The following DYNLL1 variants were observed in gnomAD, a reference collection of about 807,000 sequenced individuals.
DYNLL1 encodes the protein dynein light chain 1, cytoplasmic.
In DYNLL1, 3 loss-of-function variants were observed where a neutral mutation model predicts 10.1. The ratio of observed to expected loss-of-function variants is 0.30; its 90% CI spans 0.14 to 0.77. DYNLL1 has a LOEUF of 0.77. Among genes scored for constraint, DYNLL1 ranks in the 30% least tolerant of loss-of-function variants. DYNLL1 has a pLI of 0.66. For synonymous variants in DYNLL1, 46 were observed against 41.2 expected (o/e 1.12, Z -0.45); for missense variants, 47 against 111.7 (o/e 0.42, Z 2.61).
chr12:120,484,426 G>A (rs1878948599), intron 1 of DYNLL1, among the ~76,000 whole-genome samples: 1 of 152,044 alleles, frequency 6.6e-6, no homozygotes, highest in African/African-American at 2.4e-5. Context: ...ATCGTGACAG[G>A]GAACTCAGAA....
chr12:120,494,597 G>A (rs929030142), upstream of DYNLL1, among the ~76,000 whole-genome samples: 7 of 151,880 alleles, frequency 4.6e-5, no homozygotes, highest in Non-Finnish European at 8.8e-5. Flanking sequence ...TTTTCTTTCT[G>A]GAGTTGTGTG....
At chr12:120,478,164 A>T (rs1475360814) in intron 1 of DYNLL1, among the ~76,000 whole-genome samples, 4 of 150,900 alleles carry the variant, frequency 2.7e-5, no homozygotes, top group Admixed American at 6.6e-5. Flanking sequence ...GCTAGAGTGC[A>T]ATGGCACAAT....
intron 1 of DYNLL1, among the ~76,000 whole-genome samples, chr12:120,482,828 A>G (rs1304267277): frequency 2.0e-5 from 3 of 152,102 alleles, no homozygotes; most frequent in Non-Finnish European, 4.4e-5. Context: ...CAGGCCAGAC[A>G]TGGGCTTTGG....
chr12:120,486,116 GT>G (rs1370785127), intron 1 of DYNLL1, among the ~76,000 whole-genome samples: 3 of 152,316 alleles, frequency 2.0e-5, no homozygotes, highest in African/African-American at 7.2e-5. Context: ...GTGACATTGA[GT>G]TTGAGAACAG....
At chr12:120,495,684 T>A (rs1365637876), upstream of DYNLL1, 1 of 61,058 alleles carries the variant, frequency 1.6e-5, no homozygotes, top group Non-Finnish European at 3.1e-5. Context: ...TCATGCGACC[T>A]GTCGTGGTGG....
chr12:120,481,065 T>C (rs975871016), intron 1 of DYNLL1, among the ~76,000 whole-genome samples: 4 of 152,166 alleles, frequency 2.6e-5, no homozygotes, highest in African/African-American at 9.7e-5. Flanking sequence ...GGCTCACATA[T>C]TTCTTAATTT....
At chr12:120,493,856 TG>T (rs1031487835), upstream of DYNLL1, 3 of 151,428 alleles carry the variant, frequency 2.0e-5, no homozygotes, top group Non-Finnish European at 2.9e-5. Flanking sequence ...CCTGACCTCG[TG>T]ATCCGCCTGC....
At chr12:120,477,587 A>C (rs988999662) in intron 1 of DYNLL1, among the ~76,000 whole-genome samples, 2 of 151,566 alleles carry the variant, frequency 1.3e-5, no homozygotes, top group African/African-American at 4.8e-5. Flanking sequence ...CCGTCTCTAC[A>C]AAAAAAATAA....
At chr12:120,486,847 G>A (rs1224540138) in intron 1 of DYNLL1, among the ~76,000 whole-genome samples, 1 of 152,104 alleles carries the variant, frequency 6.6e-6, no homozygotes, top group South Asian at 2.1e-4. Context: ...CCTCACTGGT[G>A]TCCTGGCTGC....
chr12:120,470,975 G>A (rs1453455626), intron 1 of DYNLL1, among the ~76,000 whole-genome samples: 2 of 152,082 alleles, frequency 1.3e-5, no homozygotes, highest in East Asian at 3.9e-4. Flanking sequence ...AGCCCGGGAG[G>A]CGAAGGTTGC....
chr12:120,475,233 TG>T (rs1592996998), intron 1 of DYNLL1, among the ~76,000 whole-genome samples: 1 of 152,132 alleles, frequency 6.6e-6, no homozygotes, highest in Non-Finnish European at 1.5e-5. Flanking sequence ...CCCAAACAGG[TG>T]GGAACACAAG....
chr12:120,485,490 G>C (rs922067944), intron 1 of DYNLL1, among the ~76,000 whole-genome samples: 1 of 151,918 alleles, frequency 6.6e-6, no homozygotes, highest in African/African-American at 2.4e-5. Context: ...TCCCGACCTC[G>C]TGATCCACCT....
intron 1 of DYNLL1, among the ~76,000 whole-genome samples, chr12:120,482,191 T>C (rs983006747): frequency 6.6e-6 from 1 of 152,188 alleles, no homozygotes. Flanking sequence ...TGGGAGCTAC[T>C]TGGGAGCTGA....
chr12:120,487,576 G>A (rs1340043722), intron 1 of DYNLL1, among the ~76,000 whole-genome samples: 1 of 152,046 alleles, frequency 6.6e-6, no homozygotes, highest in East Asian at 1.9e-4. Flanking sequence ...CTGACTCAAC[G>A]TCCAAAAGAC....
At chr12:120,491,978 T>C (rs1368644772), upstream of DYNLL1, 1 of 152,184 alleles carries the variant, frequency 6.6e-6, no homozygotes, top group East Asian at 1.9e-4. Context: ...TCCTTTTGTT[T>C]AGGTGTTGCT....
chr12:120,497,905 A>G, intron 2 of DYNLL1, 168 bp from the exon 3 acceptor site: 1 of 652,150 alleles, frequency 1.5e-6, no homozygotes. Context: ...GTATGTTTGT[A>G]TTAATGTACT....
rs2137073107 is a variant in DYNLL1, at chr12:120,498,144, T to A, written c.204T>A (p.His68Gln). 6.2e-7 allele frequency: 1 copy of A among 1,613,986 alleles called. No individual in the cohort carries two copies. The highest frequency in any genetic ancestry group is 8.5e-7 in the Non-Finnish European group (1 of 1,179,994). ...VGRNFGSYVT[H>Q]ETKHFIYFYL... ...GGAACTTCGGTAGTTATGTGACACA[T>A]GAAACCAAACACTTCATCTACTTCT... is the stretch of plus-strand genomic sequence containing the variant. The change falls in exon 3 of 3, where the codon CAT becomes CAA. Residue 68 changes from histidine to glutamine, a missense_variant. Transcript: ENST00000242577.
chr12:120,478,043 C>T (rs1878794454), intron 1 of DYNLL1, among the ~76,000 whole-genome samples: 1 of 151,574 alleles, frequency 6.6e-6, no homozygotes, highest in African/African-American at 2.4e-5. Context: ...CCACCCATGT[C>T]GGCCTCCCAA....
At chr12:120,487,182 G>C (rs1294339550) in intron 1 of DYNLL1, among the ~76,000 whole-genome samples, 1 of 145,586 alleles carries the variant, frequency 6.9e-6, no homozygotes, top group East Asian at 2.1e-4. Flanking sequence ...CACTGTGTTA[G>C]CCAGGATGGT....
Sources: gnomAD v4.1 joint callset for allele counts (sites outside exome capture counted in the v4.1 genomes callset) on GRCh38, gnomAD v4.1.1 for gene constraint, MANE v1.5 for transcripts, NCBI Gene and HGNC (gene_info 2026-07-23, HGNC 2026-07-21) for gene names.